The following CTNNA2 variants were observed in gnomAD, a reference collection of about 807,000 sequenced individuals.
CTNNA2 encodes the protein catenin alpha 2.
A neutral mutation model predicts 101.0 loss-of-function variants in CTNNA2; 42 were observed. The ratio of observed to expected loss-of-function variants is 0.42; its 90% CI spans 0.32 to 0.54. The LOEUF is 0.54. Ranked by LOEUF, CTNNA2 falls within the 20% of genes least tolerant of loss-of-function variation. CTNNA2 has a pLI of 0.14. For missense variants in CTNNA2, 871 were observed against 1,223.1 expected (o/e 0.71, Z 4.29); for synonymous variants, 450 against 456.4 (o/e 0.99, Z 0.18).
At chr2:80,617,622 A>G (rs918307506) in intron 17 of CTNNA2, among the ~76,000 whole-genome samples, 1 of 151,644 alleles carries the variant, frequency 6.6e-6, no homozygotes, top group Non-Finnish European at 1.5e-5. Flanking sequence ...AAATGTCTCT[A>G]ACATTTATTT....
chr2:80,121,765 T>C (rs1474868387), intron 7 of CTNNA2, among the ~76,000 whole-genome samples: 2 of 152,172 alleles, frequency 1.3e-5, no homozygotes, highest in African/African-American at 4.8e-5. Context: ...AAGTAAAATC[T>C]AACCCGGATG....
At chr2:80,227,889 C>G (rs982573523) in intron 7 of CTNNA2, among the ~76,000 whole-genome samples, 2 of 151,876 alleles carry the variant, frequency 1.3e-5, no homozygotes, top group Non-Finnish European at 2.9e-5. Context: ...TGGAGAATAA[C>G]CACATGCTTA....
chr2:79,201,489 A>G (rs1558571673), intron 2 of CTNNA2, among the ~76,000 whole-genome samples: 1 of 152,138 alleles, frequency 6.6e-6, no homozygotes, highest in East Asian at 1.9e-4. Context: ...GAAAGAAGTT[A>G]CCTGCCTTCC....
chr2:80,575,690 G>A (rs1177594493), intron 13 of CTNNA2, among the ~76,000 whole-genome samples: 1 of 151,890 alleles, frequency 6.6e-6, no homozygotes, highest in Non-Finnish European at 1.5e-5. Context: ...TGCTTTGCTG[G>A]CCTTCACATG....
At chr2:79,583,247 CTT>C (rs1676261164) in intron 1 of CTNNA2, among the ~76,000 whole-genome samples, 1 of 151,318 alleles carries the variant, frequency 6.6e-6, no homozygotes, top group Non-Finnish European at 1.5e-5. Context: ...CAAAGGAAGA[CTT>C]TGCCTCATCT....
chr2:79,440,091 G>C (rs1227525552), intron 4 of CTNNA2, among the ~76,000 whole-genome samples: 2 of 152,060 alleles, frequency 1.3e-5, no homozygotes, highest in Non-Finnish European at 2.9e-5. Context: ...GATCTTGGTG[G>C]CACCCAGGAC....
At chr2:79,858,246 C>T (rs1681298710) in intron 4 of CTNNA2, 67 bp downstream of exon 4, 2 of 1,284,332 alleles carry the variant, frequency 1.6e-6, no homozygotes, top group Non-Finnish European at 1.1e-6. Flanking sequence ...TGTATTACAG[C>T]TCTGGCCTCT....
chr2:79,357,304 C>T (rs1677529480), intron 3 of CTNNA2, among the ~76,000 whole-genome samples: 1 of 152,108 alleles, frequency 6.6e-6, no homozygotes, highest in South Asian at 2.1e-4. Context: ...CCAGCCTGGG[C>T]AACAGAGTAA....
chr2:80,429,899 G>C (rs1165875143), intron 9 of CTNNA2, among the ~76,000 whole-genome samples: 1 of 152,158 alleles, frequency 6.6e-6, no homozygotes, highest in African/African-American at 2.4e-5. Context: ...TATGTCAAAG[G>C]TCTGTTGCAG....
chr2:79,392,082 A>G (rs1678179061), intron 4 of CTNNA2, among the ~76,000 whole-genome samples: 1 of 152,206 alleles, frequency 6.6e-6, no homozygotes, highest in South Asian at 2.1e-4. Context: ...TCAAGGATAT[A>G]TTAACATTGA....
intron 3 of CTNNA2, among the ~76,000 whole-genome samples, chr2:79,346,648 T>TA (rs1290412542): frequency 2.6e-5 from 4 of 152,206 alleles, no homozygotes; most frequent in African/African-American, 4.8e-5. Context: ...TCCTAATTGA[T>TA]AAAAAAGAAC....
chr2:79,860,804 A>G (rs1681565614), intron 4 of CTNNA2, among the ~76,000 whole-genome samples: 2 of 152,072 alleles, frequency 1.3e-5, no homozygotes, highest in South Asian at 4.1e-4. Flanking sequence ...CCTACCCCCT[A>G]AAAGACAATA....
chr2:80,540,096 C>G (rs10191971), intron 9 of CTNNA2, among the ~76,000 whole-genome samples: 3,917 of 152,220 alleles, frequency 0.026, 95 homozygotes, highest in Admixed American at 0.054. Context: ...ATATTGTCTG[C>G]TTTTTCACTC....
intron 7 of CTNNA2, among the ~76,000 whole-genome samples, chr2:80,143,770 T>C (rs1703159449): frequency 6.6e-6 from 1 of 152,172 alleles, no homozygotes; most frequent in South Asian, 2.1e-4. Context: ...AGGGATCACA[T>C]AATTGCAGTG....
At chr2:80,424,646 C>T (rs1048919390) in intron 9 of CTNNA2, among the ~76,000 whole-genome samples, 2 of 152,182 alleles carry the variant, frequency 1.3e-5, no homozygotes, top group Admixed American at 6.5e-5. Flanking sequence ...TAAAGTTTAG[C>T]TTACCCTTCT....
At chr2:79,802,704 T>C (rs1011458784) in intron 3 of CTNNA2, among the ~76,000 whole-genome samples, 3 of 152,276 alleles carry the variant, frequency 2.0e-5, no homozygotes, top group African/African-American at 7.2e-5. Context: ...ATTATACATT[T>C]GTTTTTTGCA....
At chr2:80,483,134 G>A (rs944918471) in intron 9 of CTNNA2, among the ~76,000 whole-genome samples, 2 of 152,122 alleles carry the variant, frequency 1.3e-5, no homozygotes, top group Admixed American at 6.6e-5. Context: ...TGAGAGAGTA[G>A]CATAGCTGAG....
intron 1 of CTNNA2, among the ~76,000 whole-genome samples, chr2:79,535,553 G>C (rs1047384531): frequency 1.1e-4 from 16 of 151,994 alleles, no homozygotes; most frequent in African/African-American, 3.9e-4. Context: ...ATTATTATAA[G>C]TAGAATGTAA....
At chr2:79,876,103 G>T (rs1414249891) in intron 6 of CTNNA2, among the ~76,000 whole-genome samples, 1 of 152,120 alleles carries the variant, frequency 6.6e-6, no homozygotes, top group Non-Finnish European at 1.5e-5. Flanking sequence ...ATGATATCAT[G>T]ATCTTGAGTA....
Sources: gnomAD v4.1 joint callset for allele counts (sites outside exome capture counted in the v4.1 genomes callset) on GRCh38, gnomAD v4.1.1 for gene constraint, MANE v1.5 for transcripts, NCBI Gene and HGNC (gene_info 2026-07-23, HGNC 2026-07-21) for gene names.